The following BMPR2 variants were observed in gnomAD, a reference collection of about 807,000 sequenced individuals.
The protein encoded by BMPR2 is bone morphogenetic protein receptor type-2.
In BMPR2, 29 loss-of-function variants were observed where a neutral mutation model predicts 100.8. The observed-to-expected ratio is 0.29, with a 90% CI of 0.21 to 0.39. BMPR2 has a LOEUF of 0.39. Among genes scored for constraint, BMPR2 ranks in the 10% least tolerant of loss-of-function variants. The pLI, the probability that BMPR2 is intolerant of heterozygous loss-of-function variation, is 1.00. For missense variants in BMPR2, 1,011 were observed against 1,274.5 expected, an observed-to-expected ratio of 0.79 and a Z score of 3.15; for synonymous variants, 382 against 442.3, an observed-to-expected ratio of 0.86 and a Z score of 1.71.
chr2:202,378,569 A>G (rs573634285), intron 1 of BMPR2, among the ~76,000 whole-genome samples: 5 of 152,256 alleles, frequency 3.3e-5, no homozygotes, highest in Admixed American at 2.0e-4. Flanking sequence ...TTTCATTTTG[A>G]AAGTCTGATC....
chr2:202,438,015 G>C (rs887943639), intron 1 of BMPR2, among the ~76,000 whole-genome samples: 3 of 150,136 alleles, frequency 2.0e-5, no homozygotes, highest in South Asian at 2.1e-4. Context: ...TGGTTAAGGC[G>C]TAAGAGTTCT....
At chr2:202,501,893 C>T (rs570847558) in intron 3 of BMPR2, among the ~76,000 whole-genome samples, 4 of 152,302 alleles carry the variant, frequency 2.6e-5, no homozygotes, top group South Asian at 2.1e-4. Context: ...TTAGGCCGCC[C>T]GAGATGATCT....
rs1261066321 is a variant in BMPR2, at chr2:202,435,363, C to CA, written c.77-29436dup. ...TGGGCGACAGAGCCAGATCCTGTCTCAAAAAAAAAATACATATATATATAT... is the reference window on the plus strand; with the variant it reads ...TGGGCGACAGAGCCAGATCCTGTCTCAAAAAAAAAAATACATATATATATAT... On this transcript the variant is annotated intron_variant, in intron 1 of 12. Coordinates refer to ENST00000374580, the MANE Select transcript of BMPR2 (RefSeq NM_001204.7). Among the ~76,000 whole-genome samples, 125 of 68,088 alleles carry CA rather than the reference C, an allele frequency of 1.8e-3. 2 individuals are homozygous for CA. The highest frequency in any genetic ancestry group is 5.4e-3 in the African/African-American group (85 of 15,726). 44.7% of individuals were successfully genotyped at this position (68,088 alleles called of 152,430 possible). A position where few individuals can be genotyped will look rare whatever the true frequency, so the allele number is the denominator to read the frequency against.
At chr2:202,390,118 T>C (rs73990266) in intron 1 of BMPR2, among the ~76,000 whole-genome samples, 6,465 of 152,244 alleles carry the variant, frequency 0.042, 450 homozygotes, top group African/African-American at 0.15. Context: ...TAAATATCTG[T>C]ATAATTAGAA....
intron 12 of BMPR2, 28 bp from the exon 13 acceptor site, chr2:202,559,668 G>T: frequency 6.2e-7 from 1 of 1,611,944 alleles, no homozygotes; most frequent in South Asian, 1.1e-5. Context: ...TTGTTAAATA[G>T]CTCATTTTTC....
rs1480701907 is a variant in BMPR2 at position 202,565,643 on chromosome 2, C to T, written c.*5697C>T. ...CAAGCTTAGTTTTATGATTGAGCCA[C>T]AACCTTTTACATATTTTTTGTATGA... is the stretch of plus-strand genomic sequence containing the variant. On this transcript the variant is annotated 3_prime_UTR_variant, in exon 13 of 13. Coordinates refer to ENST00000374580, the MANE Select transcript of BMPR2 (RefSeq NM_001204.7). 1 of 152,542 alleles carries T rather than the reference C, an allele frequency of 6.6e-6. No individual in the cohort carries two copies. The highest frequency in any genetic ancestry group is 1.5e-5 in the Non-Finnish European group (1 of 68,002). 9.4% of individuals were successfully genotyped at this position (152,542 alleles called of 1,614,324 possible). A position where few individuals can be genotyped will look rare whatever the true frequency, so the allele number is the denominator to read the frequency against.
At chr2:202,520,038 G>A (rs1687792206) in intron 6 of BMPR2, 49 bp from the exon 7 acceptor site, 6 of 1,205,626 alleles carry the variant, frequency 5.0e-6, no homozygotes, top group Non-Finnish European at 7.3e-6. Flanking sequence ...TCATGTTAAA[G>A]TGAGTTAATT....
At chr2:202,423,817 G>A (rs1691323257) in intron 1 of BMPR2, among the ~76,000 whole-genome samples, 1 of 152,116 alleles carries the variant, frequency 6.6e-6, no homozygotes, top group Non-Finnish European at 1.5e-5. Context: ...CACTTTCGGA[G>A]GCCGGGGTGG....
At position 202,555,682 on chromosome 2, in the gene BMPR2, G is replaced by A; in HGVS notation, c.2017G>A (p.Val673Ile). 1 of 1,614,066 alleles carries A rather than the reference G, an allele frequency of 6.2e-7. No individual in the cohort carries two copies. The highest frequency in any genetic ancestry group is 8.5e-7 in the Non-Finnish European group (1 of 1,180,028). The stretch of plus-strand genomic sequence containing the variant: ...AACCAACAAGCTAGACCCAAAAGAA[G>A]TTGATAAGAACCTCAAGGAAAGCTC... ...LETNKLDPKEVDKNLKESSDE... is the reference protein window; with the variant it reads ...LETNKLDPKEIDKNLKESSDE... Residue 673 changes from valine (V) to isoleucine (I), a missense_variant, in exon 12 of 13, where the codon GTT (valine) becomes ATT (isoleucine). Around this residue, in one of 6 missense-constraint regions of BMPR2, gnomAD observed 508 missense variants for 552.0 expected, o/e 0.92. Transcript: ENST00000374580.
intron 3 of BMPR2, among the ~76,000 whole-genome samples, chr2:202,474,507 A>T (rs1692500421): frequency 6.6e-6 from 1 of 152,058 alleles, no homozygotes; most frequent in East Asian, 1.9e-4. Context: ...GTAGTGTGGG[A>T]AGACTGTGGA....
At chr2:202,438,260 C>T (rs1396783191) in intron 1 of BMPR2, among the ~76,000 whole-genome samples, 1 of 150,402 alleles carries the variant, frequency 6.6e-6, no homozygotes, top group African/African-American at 2.5e-5. Flanking sequence ...TTGCGGTGAG[C>T]CAAGATCACG....
intron 2 of BMPR2, 92 bp from the exon 3 acceptor site, chr2:202,467,427 C>T: frequency 1.8e-6 from 2 of 1,117,142 alleles, no homozygotes; most frequent in Non-Finnish European, 2.7e-6. Flanking sequence ...CACGTACTCT[C>T]ACATTTATTG....
intron 1 of BMPR2, among the ~76,000 whole-genome samples, chr2:202,380,893 A>G (rs1268137446): frequency 7.0e-6 from 1 of 143,192 alleles, no homozygotes; most frequent in Non-Finnish European, 1.5e-5. Flanking sequence ...TGCTGGGATT[A>G]TAGGTGTGGG....
At chr2:202,399,686 G>A (rs909273658) in intron 1 of BMPR2, among the ~76,000 whole-genome samples, 1 of 152,226 alleles carries the variant, frequency 6.6e-6, no homozygotes, top group African/African-American at 2.4e-5. Context: ...AGATGTGCTA[G>A]TCAAGATGGC....
chr2:202,442,755 G>T (rs1475227483), intron 1 of BMPR2, among the ~76,000 whole-genome samples: 1 of 150,686 alleles, frequency 6.6e-6, no homozygotes, highest in Non-Finnish European at 1.5e-5. Flanking sequence ...CATCCTTGTT[G>T]TAGCATATGA....
Position 202,546,229 on chromosome 2 carries a change from C to T in BMPR2, c.1413+3782C>T, listed in dbSNP as rs141933641. On this transcript the variant is annotated intron_variant, in intron 10 of 12. Transcript: ENST00000374580. The stretch of plus-strand genomic sequence containing the variant: ...CAATACTAGAGTTAGGTAGCAAGTA[C>T]ATAGTTTATAAAAAGAGAGAAATGC... Among the ~76,000 whole-genome samples the T allele has an allele frequency of 3.2e-3, 485 of 152,218 alleles. 2 individuals carry two copies. The highest frequency in any genetic ancestry group is 0.011 in the African/African-American group (470 of 41,528).
At chr2:202,556,874 C>A (rs1452480690) in intron 12 of BMPR2, among the ~76,000 whole-genome samples, 1 of 150,514 alleles carries the variant, frequency 6.6e-6, no homozygotes, top group Non-Finnish European at 1.5e-5. Context: ...TACTTGAGAT[C>A]AGGAGTTCAA....
intron 1 of BMPR2, among the ~76,000 whole-genome samples, chr2:202,422,467 C>T (rs937403867): frequency 8.6e-5 from 13 of 151,416 alleles, no homozygotes; most frequent in African/African-American, 3.2e-4. Flanking sequence ...CCACCATGCC[C>T]GGCTAATTTT....
At position 202,547,854 on chromosome 2, in the gene BMPR2, T is replaced by C. The variant is rs1053467939; in HGVS notation, c.1414-4862T>C. Among the ~76,000 whole-genome samples, 7 of 130,544 alleles carry C rather than the reference T, an allele frequency of 5.4e-5. No individual in the cohort carries two copies. The East Asian group carries it at 1.6e-3, about 29-fold the overall frequency. 85.6% of individuals were successfully genotyped at this position (130,544 alleles called of 152,430 possible). On this transcript the variant is annotated intron_variant, in intron 10 of 12. Transcript: ENST00000374580. ...ATCCCAGCACTTTGGGAGGCCGAGG[T>C]GGGTGGATTGCTTGAGATCAGGAGT...
Sources: allele counts gnomAD v4.1 joint callset (sites outside exome capture counted in the v4.1 genomes callset), GRCh38; gene constraint gnomAD v4.1.1; regional missense constraint gnomAD v4.1.1; transcripts MANE v1.5; gene names NCBI Gene and HGNC (gene_info 2026-07-23, HGNC 2026-07-21).